AP3M2: variants seen among roughly 807,000 people sequenced by gnomAD.
The protein encoded by AP3M2 is adaptor related protein complex 3 subunit mu 2, also known as AP-3 complex subunit mu-2.
A neutral mutation model predicts 41.6 loss-of-function variants in AP3M2; 28 were observed. The ratio of observed to expected loss-of-function variants is 0.67; its 90% confidence interval spans 0.50 to 0.92. AP3M2 has a LOEUF of 0.92. Among genes scored for constraint, AP3M2 ranks in the 40% least tolerant of loss-of-function variants. AP3M2 has a pLI of 0.00. For missense variants in AP3M2, 427 were observed against 521.4 expected, an observed-to-expected ratio of 0.82 and a Z score of 1.76; for synonymous variants, 193 against 186.4, an observed-to-expected ratio of 1.04 and a Z score of -0.29.
intron 1 of AP3M2, chr8:42,153,658 A>AT (rs547818881): frequency 0.012 from 1,701 of 141,676 alleles, 27 homozygotes; most frequent in African/African-American, 0.038. Context: ...CCCCAGGGAA[A>AT]TTTTTTTTTT....
At chr8:42,163,576 G>T (rs1049935888) in intron 4 of AP3M2, among the ~76,000 whole-genome samples, 2 of 152,208 alleles carry the variant, frequency 1.3e-5, no homozygotes, top group African/African-American at 4.8e-5. Flanking sequence ...TTATTAAGAT[G>T]TGTGGATTTG....
At position 42,167,146 on chromosome 8, in the gene AP3M2, T is replaced by C. The variant is rs1331919840; in HGVS notation, c.804-18T>C. 5.6e-6 allele frequency: 9 copies of C among 1,608,900 alleles called. No homozygotes were observed. The highest frequency in any genetic ancestry group is 7.7e-6 in the Non-Finnish European group (9 of 1,175,342). On this transcript the variant is annotated intron_variant, in intron 6 of 8. Transcript: ENST00000396926. ...TCCCAGTGCACGAATGAAATGACTC[T>C]TTGTCTCTCATTTCCAGTCTGGTTG... is the stretch of plus-strand genomic sequence containing the variant.
intron 4 of AP3M2, among the ~76,000 whole-genome samples, chr8:42,163,279 A>G (rs1469749557): frequency 6.6e-6 from 1 of 152,254 alleles, no homozygotes; most frequent in East Asian, 1.9e-4. Context: ...CCTGGGCAAC[A>G]TAGTGAGATC....
chr8:42,162,581 A>G (rs376739189), intron 4 of AP3M2, among the ~76,000 whole-genome samples, 163 bp downstream of exon 4: 6 of 152,154 alleles, frequency 3.9e-5, no homozygotes, highest in African/African-American at 1.4e-4. Context: ...GGACGTTAAT[A>G]TTATGATGCA....
At chr8:42,154,154 C>T (rs1804290913) in intron 1 of AP3M2, 1 of 154,584 alleles carries the variant, frequency 6.5e-6, no homozygotes, top group Non-Finnish European at 1.4e-5. Flanking sequence ...TCCGCACCAG[C>T]CACCTTTCAA....
chr8:42,164,094 A>C (rs760002175), intron 4 of AP3M2, among the ~76,000 whole-genome samples: 27 of 152,222 alleles, frequency 1.8e-4, no homozygotes, highest in Non-Finnish European at 1.6e-4. Flanking sequence ...CCCAAAACAT[A>C]GATGTCCATA....
chr8:42,158,321 T>C (rs1587913437), intron 3 of AP3M2, among the ~76,000 whole-genome samples: 1 of 151,160 alleles, frequency 6.6e-6, no homozygotes, highest in South Asian at 2.1e-4. Context: ...TGATCTTGGC[T>C]CACTGCAACC....
intron 3 of AP3M2, 138 bp downstream of exon 3, chr8:42,158,250 GTTT>G (rs869114568): frequency 2.4e-3 from 536 of 227,592 alleles, no homozygotes; most frequent in East Asian, 3.4e-3. Flanking sequence ...CTTTGTAGTT[GTTT>G]TTTTTTTTTT....
chr8:42,160,603 G>A (rs1356573936), intron 3 of AP3M2, among the ~76,000 whole-genome samples: 1 of 152,208 alleles, frequency 6.6e-6, no homozygotes, highest in Non-Finnish European at 1.5e-5. Flanking sequence ...TAAAAGTCTA[G>A]TTTGTGATTT....
At chr8:42,158,569 A>T (rs927238625) in intron 3 of AP3M2, among the ~76,000 whole-genome samples, 1 of 151,762 alleles carries the variant, frequency 6.6e-6, no homozygotes, top group Non-Finnish European at 1.5e-5. Flanking sequence ...ACTGAGTACA[A>T]CCTGAAATAA....
chr8:42,164,833 C>T (rs549999724), intron 4 of AP3M2, among the ~76,000 whole-genome samples: 1 of 152,268 alleles, frequency 6.6e-6, no homozygotes, highest in South Asian at 2.1e-4. Context: ...TCACCGTTAC[C>T]TCACCATAGT....
At chr8:42,167,065 G>A (rs1804657604) in intron 6 of AP3M2, 99 bp from the exon 7 acceptor site, 1 of 1,005,560 alleles carries the variant, frequency 9.9e-7, no homozygotes, top group African/African-American at 1.6e-5. Context: ...AGTTAAGGGA[G>A]AAGAAGCTAC....
chr8:42,167,421 TC>T, intron 7 of AP3M2, 50 bp downstream of exon 7: 2 of 1,597,880 alleles, frequency 1.3e-6, no homozygotes, highest in Non-Finnish European at 1.7e-6. Flanking sequence ...CAGAAACCAG[TC>T]TGCAGGTTCT....
chr8:42,166,147 A>G (rs1247958241), intron 6 of AP3M2, among the ~76,000 whole-genome samples: 1 of 152,196 alleles, frequency 6.6e-6, no homozygotes, highest in African/African-American at 2.4e-5. Context: ...AGCCTCTGGA[A>G]TCAGACTCCC....
At position 42,162,715 on chromosome 8, in the gene AP3M2, C is replaced by T. The variant is rs566496651; in HGVS notation, c.583+297C>T. Among the ~76,000 whole-genome samples, 37 of 152,074 alleles carry T rather than the reference C, an allele frequency of 2.4e-4. 1 individual carries two copies. In the South Asian group the frequency reaches 7.3e-3, roughly 30 times the overall value. ...ATCCCAGCACTTTGGAAAGCTGAGG[C>T]GGGAGGATTGCTTGAGCCCAGGAGT... On this transcript the variant is annotated intron_variant, in intron 4 of 8. Coordinates refer to ENST00000396926, the MANE Select transcript of AP3M2 (RefSeq NM_006803.4).
At chr8:42,165,593 G>A (rs1428598359) in intron 6 of AP3M2, 33 bp downstream of exon 6, 11 of 1,612,140 alleles carry the variant, frequency 6.8e-6, no homozygotes, top group South Asian at 2.2e-5. Flanking sequence ...AATGGAATCC[G>A]TGTATGTACA....
chr8:42,162,943 C>CAAAAAAAA (rs67923954), intron 4 of AP3M2, among the ~76,000 whole-genome samples: 12 of 54,210 alleles, frequency 2.2e-4, no homozygotes, highest in Non-Finnish European at 2.8e-4. Flanking sequence ...GACCCTGTCT[C>CAAAAAAAA]AAAAAAAAAA....
chr8:42,166,943 CAG>C (rs1254186733), intron 6 of AP3M2: 6 of 547,698 alleles, frequency 1.1e-5, no homozygotes, highest in African/African-American at 7.5e-5. Context: ...TTGTATTATT[CAG>C]AGTCATTAGA....
At chr8:42,162,072 C>A in intron 3 of AP3M2, 1 of 413,212 alleles carries the variant, frequency 2.4e-6, no homozygotes, top group Non-Finnish European at 4.2e-6. Flanking sequence ...AACCTTTATT[C>A]TGTTTGAAAA....
Sources: gnomAD v4.1 joint callset for allele counts (sites outside exome capture counted in the v4.1 genomes callset) on GRCh38, gnomAD v4.1.1 for gene constraint, MANE v1.5 for transcripts, NCBI Gene and HGNC (gene_info 2026-07-23, HGNC 2026-07-21) for gene names.